The following LYST variants were observed in gnomAD, a reference collection of about 807,000 sequenced individuals.
The protein encoded by LYST is lysosomal-trafficking regulator.
LYST carries 192 observed loss-of-function variants against 413.6 expected under a neutral mutation model. The observed-to-expected ratio is 0.46, with a 90% CI of 0.41 to 0.52. The LOEUF is 0.52. Ranked by LOEUF, LYST falls within the 20% of genes least tolerant of loss-of-function variation. The probability of loss-of-function intolerance (pLI) is 0.00; values close to 1 mark genes in which losing one functional copy is unlikely to be tolerated. For synonymous variants in LYST, 1,525 were observed against 1,567.3 expected, an observed-to-expected ratio of 0.97 and a Z score of 0.64; for missense variants, 3,815 against 4,499.9, an observed-to-expected ratio of 0.85 and a Z score of 4.35.
At chr1:235,672,394 A>G (rs1659014109) in intron 50 of LYST, among the ~76,000 whole-genome samples, 2 of 152,184 alleles carry the variant, frequency 1.3e-5, no homozygotes, top group South Asian at 4.1e-4. Flanking sequence ...AACCAGCAAA[A>G]GACTGAGAAG....
At chr1:235,733,805 G>A in intron 33 of LYST, 25 bp downstream of exon 33, 1 of 1,541,080 alleles carries the variant, frequency 6.5e-7, no homozygotes, top group Non-Finnish European at 9.0e-7. Context: ...TAAAATACAT[G>A]CCTTTGGAAC....
intron 3 of LYST, among the ~76,000 whole-genome samples, chr1:235,814,241 C>CT (rs1673793937): frequency 6.6e-6 from 1 of 152,014 alleles, no homozygotes; most frequent in South Asian, 2.1e-4. Context: ...CATATGGAGT[C>CT]TGAGACGTCT....
chr1:235,696,744 CT>C (rs1383201274), intron 46 of LYST, among the ~76,000 whole-genome samples: 2 of 152,182 alleles, frequency 1.3e-5, no homozygotes, highest in Admixed American at 6.5e-5. Context: ...ATGACTATAT[CT>C]TCTGAGATGG....
rs1659466725 is a variant in LYST, at chr1:235,677,398, A to G, written c.10940+82T>C. On this transcript the variant is annotated intron_variant, in intron 49 of 52. Coordinates refer to ENST00000389793, the MANE Select transcript of LYST (RefSeq NM_000081.4). Reference sequence around the variant, plus strand: ...GTTAAAATGATTATAACGTAAAGACATTATTTTGGTTTATCTATTTCATAT... The same window carrying G: ...GTTAAAATGATTATAACGTAAAGACGTTATTTTGGTTTATCTATTTCATAT... 2.9e-6 allele frequency: 4 copies of G among 1,396,710 alleles called. No individual in the cohort carries two copies. In the East Asian group the frequency reaches 6.9e-5, roughly 24 times the overall value. 86.5% of individuals were successfully genotyped at this position (1,396,710 alleles called of 1,614,324 possible). A position where few individuals can be genotyped will look rare whatever the true frequency, so the allele number is the denominator to read the frequency against.
intron 18 of LYST, among the ~76,000 whole-genome samples, chr1:235,774,238 C>A (rs573006736): frequency 6.6e-6 from 1 of 152,242 alleles, no homozygotes; most frequent in Admixed American, 6.5e-5. Flanking sequence ...AAACAGCACT[C>A]AATTTTTATG....
chr1:235,865,261 C>T (rs1680372733), intron 1 of LYST, among the ~76,000 whole-genome samples: 1 of 152,114 alleles, frequency 6.6e-6, no homozygotes, highest in East Asian at 1.9e-4. Context: ...TTCTAGGAAG[C>T]TTTCCCTGGC....
Position 235,770,317 on chromosome 1 carries a change from C to A in LYST, c.5785-20G>T, listed in dbSNP as rs755519771. 1 of 1,613,008 alleles carries A rather than the reference C, an allele frequency of 6.2e-7. No homozygotes were observed. The highest frequency in any genetic ancestry group is 1.1e-5 in the South Asian group (1 of 91,074). ...ACCTTGCTGAAGAGATAAACACACA[C>A]CAATAAGCACATACTTACTGAAAAA... On this transcript the variant is annotated intron_variant, in intron 19 of 52. Coordinates refer to ENST00000389793, the MANE Select transcript of LYST (RefSeq NM_000081.4).
intron 49 of LYST, 58 bp downstream of exon 49, chr1:235,677,422 A>G (rs1483577804): frequency 3.9e-6 from 6 of 1,545,748 alleles, no homozygotes; most frequent in Admixed American, 1.7e-5. Context: ...TCTATTTCAT[A>G]TAGTAAAAAT....
rs1261018254 is a variant in LYST at position 235,762,845 on chromosome 1, T to C, written c.6128A>G (p.Lys2043Arg). The C allele has an allele frequency of 2.5e-5, 40 of 1,613,372 alleles. No individual in the cohort carries two copies. Among genetic ancestry groups the C allele is most frequent in the Admixed American group, 3.3e-5 (2 of 59,980 alleles). Residue 2043 changes from lysine to arginine, a missense_variant, in exon 22 of 53, where the codon AAG becomes AGG. Physicochemically the swap from Lys to Arg is conservative, Grantham distance 26. This residue lies in a region of LYST where 530 missense variants were observed against 696.5 expected (regional missense o/e 0.76). Transcript: ENST00000389793. ...TGACCGCACTTTCTCCTGAAAGATC[T>C]TGCCATCTAGAATCCAAATTTTTTT... ...NFYFSLHIDG[K>R]IFQEKVRSIM...
chr1:235,708,885 T>C (rs892863161), intron 44 of LYST, among the ~76,000 whole-genome samples: 1 of 152,184 alleles, frequency 6.6e-6, no homozygotes, highest in Non-Finnish European at 1.5e-5. Context: ...AACCTGGGGA[T>C]TGTTTTGGGG....
intron 1 of LYST, among the ~76,000 whole-genome samples, chr1:235,835,334 C>G (rs1330295313): frequency 6.6e-6 from 1 of 152,202 alleles, no homozygotes; most frequent in Admixed American, 6.5e-5. Context: ...GCTGCTCTGA[C>G]TACTACCACC....
At chr1:235,663,875 T>A in intron 52 of LYST, 109 bp downstream of exon 52, 1 of 970,532 alleles carries the variant, frequency 1.0e-6, no homozygotes, top group East Asian at 2.4e-5. Flanking sequence ...TGGCTTTTCA[T>A]GATGACTTCA....
chr1:235,754,024 T>C (rs1252702079), intron 25 of LYST, among the ~76,000 whole-genome samples: 1 of 152,010 alleles, frequency 6.6e-6, no homozygotes, highest in Non-Finnish European at 1.5e-5. Context: ...AAAAATATTC[T>C]TTTATTTTTA....
At chr1:235,834,356 G>A (rs1290022953) in intron 1 of LYST, among the ~76,000 whole-genome samples, 4 of 152,136 alleles carry the variant, frequency 2.6e-5, no homozygotes, top group African/African-American at 9.6e-5. Context: ...CAAACATGAA[G>A]ATATTTTGAA....
intron 36 of LYST, among the ~76,000 whole-genome samples, chr1:235,730,508 T>G (rs1026758861): frequency 6.6e-6 from 1 of 151,828 alleles, no homozygotes; most frequent in African/African-American, 2.4e-5. Flanking sequence ...TGTGTGTGTA[T>G]ACATATATAT....
At position 235,663,036 on chromosome 1, in the gene LYST, G is replaced by A. The variant is rs889666238; in HGVS notation, c.11310C>T (p.Asn3770=). ...ACCAGGCAATCACGGTCCCATCACT[G>A]TTTGCTGTGTACAAATGGTGGCCAT... ...SCDGHHLYTA[N]SDGTVIAWCR... The change falls in exon 53 of 53, where the codon AAC becomes AAT. Residue 3770 remains asparagine, a synonymous_variant. Transcript: ENST00000389793. The A allele has an allele frequency of 6.2e-7, 1 of 1,613,724 alleles. No individual in the cohort carries two copies. The highest frequency in any genetic ancestry group is 1.3e-5 in the African/African-American group (1 of 74,952).
chr1:235,792,561 C>T (rs991134524), intron 11 of LYST, among the ~76,000 whole-genome samples: 4 of 152,094 alleles, frequency 2.6e-5, no homozygotes, highest in Admixed American at 2.6e-4. Flanking sequence ...GTGATCCACC[C>T]ACCTCGGCCT....
Position 235,753,134 on chromosome 1 carries a change from G to T in LYST, c.7370C>A (p.Ser2457Tyr), listed in dbSNP as rs764859264. ...CAACATATCTGCTACCTTAGAACAAGAATTTAAAATTTGGAGAAGAAGTAA... is the reference window on the plus strand; with the variant it reads ...CAACATATCTGCTACCTTAGAACAATAATTTAAAATTTGGAGAAGAAGTAA... ...ALLLLLQILNSCSKVADMLLD... is the reference protein window; with the variant it reads ...ALLLLLQILNYCSKVADMLLD... The change falls in exon 26 of 53, where the codon TCT becomes TAT. Residue 2457 changes from serine (S) to tyrosine (Y), a missense_variant. Ser to Tyr is a moderately radical substitution (Grantham distance 144, BLOSUM62 -2). This residue lies in a region of LYST where 771 missense variants were observed against 837.1 expected (regional missense o/e 0.92). Coordinates refer to ENST00000389793, the MANE Select transcript of LYST (RefSeq NM_000081.4). The T allele has an allele frequency of 2.0e-5, 32 of 1,609,598 alleles. No homozygotes were observed. Among genetic ancestry groups the T allele is most frequent in the African/African-American group, 4.0e-5 (3 of 74,804 alleles).
At chr1:235,825,419 T>C (rs1056520546) in intron 3 of LYST, among the ~76,000 whole-genome samples, 3 of 152,188 alleles carry the variant, frequency 2.0e-5, no homozygotes, top group African/African-American at 7.2e-5. Flanking sequence ...ACAGATGACA[T>C]CATTATTTAC....
Sources: gnomAD v4.1 joint callset for allele counts (sites outside exome capture counted in the v4.1 genomes callset) on GRCh38, gnomAD v4.1.1 for gene constraint, gnomAD v4.1.1 regional missense constraint, MANE v1.5 for transcripts, NCBI Gene and HGNC (gene_info 2026-07-23, HGNC 2026-07-21) for gene names.